The following GRID1 variants were observed in gnomAD, a reference collection of about 807,000 sequenced individuals.
The protein encoded by GRID1 is glutamate ionotropic receptor delta type subunit 1.
GRID1 carries 28 observed loss-of-function variants against 98.0 expected under a neutral mutation model. That is an observed-to-expected ratio of 0.29 (90% confidence interval 0.21 to 0.39). The LOEUF (loss-of-function observed/expected upper bound fraction) is 0.39, where lower values mean the gene tolerates loss of function less well. Ranked by LOEUF, GRID1 falls within the 10% of genes least tolerant of loss-of-function variation. The pLI, the probability that GRID1 is intolerant of heterozygous loss-of-function variation, is 1.00. For synonymous variants in GRID1, 553 were observed against 538.5 expected (o/e 1.03, Z -0.37); for missense variants, 1,111 against 1,340.5 (o/e 0.83, Z 2.67).
rs564394029 is a variant in GRID1 at position 85,777,200 on chromosome 10, G to A, written c.1234-47586C>T. On this transcript the variant is annotated intron_variant, in intron 8 of 15. Transcript: ENST00000327946. ...ATAAGTGGGCATCTAAATCAGGGAGGTGGGGATGTTCCCAGAATTAGCAGT... is the reference window on the plus strand; with the variant it reads ...ATAAGTGGGCATCTAAATCAGGGAGATGGGGATGTTCCCAGAATTAGCAGT... Among the ~76,000 whole-genome samples the A allele has an allele frequency of 4.6e-5, 7 of 152,276 alleles. No individual in the cohort carries two copies. The East Asian group carries it at 1.4e-3, about 29-fold the overall frequency.
intron 2 of GRID1, among the ~76,000 whole-genome samples, chr10:86,207,663 G>A (rs546052832): frequency 1.6e-3 from 171 of 107,498 alleles, no homozygotes; most frequent in Non-Finnish European, 2.1e-3. Context: ...ACGGAGTTTC[G>A]CTCTGTCGCC....
intron 4 of GRID1, among the ~76,000 whole-genome samples, chr10:85,954,357 C>T (rs1333748442): frequency 6.6e-6 from 1 of 152,168 alleles, no homozygotes; most frequent in African/African-American, 2.4e-5. Flanking sequence ...TTACTCTAAA[C>T]ATTGTCTCTC....
intron 12 of GRID1, among the ~76,000 whole-genome samples, chr10:85,697,110 T>C (rs1841402744): frequency 6.6e-6 from 1 of 152,174 alleles, no homozygotes; most frequent in African/African-American, 2.4e-5. Context: ...TTTTGGGGTA[T>C]AGCGTTCCAT....
At chr10:86,081,992 T>C (rs752963505) in intron 4 of GRID1, among the ~76,000 whole-genome samples, 1 of 152,242 alleles carries the variant, frequency 6.6e-6, no homozygotes, top group Non-Finnish European at 1.5e-5. Flanking sequence ...ATGTGAACTA[T>C]GAACTTTGTT....
At chr10:86,202,069 G>A (rs1332028567) in intron 3 of GRID1, among the ~76,000 whole-genome samples, 1 of 152,192 alleles carries the variant, frequency 6.6e-6, no homozygotes, top group Non-Finnish European at 1.5e-5. Flanking sequence ...AATAGACAGT[G>A]GCCACTCAAA....
intron 2 of GRID1, among the ~76,000 whole-genome samples, chr10:86,329,268 C>T (rs1346374356): frequency 1.3e-5 from 2 of 152,204 alleles, no homozygotes; most frequent in East Asian, 3.8e-4. Context: ...CACAAGGTTG[C>T]CTTGGCCAGG....
rs555716128 is a variant in GRID1, at chr10:85,910,249, C to A, written c.780+5937G>T. Among the ~76,000 whole-genome samples the A allele has an allele frequency of 2.2e-4, 34 of 152,300 alleles. 1 individual carries two copies. Among genetic ancestry groups the A allele is most frequent in the Middle Eastern group, 3.4e-3 (1 of 294 alleles). ...TTCAAAATAAAAGGAAGAAAAAAAT[C>A]TTTTCCTTCCCTCTCTTTCTCTGGG... On this transcript the variant is annotated intron_variant, in intron 5 of 15. Coordinates refer to ENST00000327946, the MANE Select transcript of GRID1 (RefSeq NM_017551.3).
chr10:85,692,364 T>C (rs1841342502), intron 12 of GRID1, among the ~76,000 whole-genome samples: 1 of 152,010 alleles, frequency 6.6e-6, no homozygotes, highest in African/African-American at 2.4e-5. Flanking sequence ...AGTTCAGTGA[T>C]AGAAACAAAA....
intron 3 of GRID1, among the ~76,000 whole-genome samples, chr10:86,202,998 C>A (rs1845975346): frequency 6.6e-6 from 1 of 152,162 alleles, no homozygotes; most frequent in African/African-American, 2.4e-5. Flanking sequence ...AGGATGATGC[C>A]TTGGCTAAAT....
At chr10:86,075,930 C>T (rs571234857) in intron 4 of GRID1, among the ~76,000 whole-genome samples, 3 of 152,358 alleles carry the variant, frequency 2.0e-5, no homozygotes, top group East Asian at 1.9e-4. Flanking sequence ...ACTCTCCCCA[C>T]GGAGCCAAGC....
intron 2 of GRID1, among the ~76,000 whole-genome samples, chr10:86,233,956 T>A (rs939175920): frequency 1.8e-4 from 1 of 5,570 alleles, no homozygotes; most frequent in African/African-American, 7.3e-4. Context: ...GGGAGGAGGG[T>A]GGGTGAGGGT....
At chr10:86,263,962 G>A (rs1237019276) in intron 2 of GRID1, among the ~76,000 whole-genome samples, 2 of 152,208 alleles carry the variant, frequency 1.3e-5, no homozygotes, top group East Asian at 3.9e-4. Context: ...AAGCCAGAGA[G>A]GGGAAGGGAC....
intron 8 of GRID1, among the ~76,000 whole-genome samples, chr10:85,756,476 T>C (rs1842099733): frequency 1.3e-5 from 2 of 152,140 alleles, no homozygotes; most frequent in Non-Finnish European, 2.9e-5. Context: ...ACACAAGCAT[T>C]GAAATCCTAA....
At chr10:86,105,090 G>A (rs890022197) in intron 4 of GRID1, among the ~76,000 whole-genome samples, 1 of 152,184 alleles carries the variant, frequency 6.6e-6, no homozygotes, top group Admixed American at 6.5e-5. Context: ...GTGATTTACG[G>A]TGGCTCTGAA....
At chr10:86,338,095 C>T (rs1336941907) in intron 2 of GRID1, among the ~76,000 whole-genome samples, 2 of 152,156 alleles carry the variant, frequency 1.3e-5, no homozygotes, top group East Asian at 3.9e-4. Flanking sequence ...TCCCTGATAA[C>T]ACTGATTGGC....
chr10:85,843,018 A>G (rs542192969), intron 8 of GRID1, among the ~76,000 whole-genome samples: 4 of 152,242 alleles, frequency 2.6e-5, no homozygotes, highest in African/African-American at 9.6e-5. Flanking sequence ...AATATCCCCC[A>G]TAACGCCTTA....
intron 4 of GRID1, among the ~76,000 whole-genome samples, chr10:86,083,983 C>T (rs919764566): frequency 6.6e-6 from 1 of 152,220 alleles, no homozygotes; most frequent in African/African-American, 2.4e-5. Context: ...TCACTGCATC[C>T]GGAGTCCCTG....
Position 86,322,109 on chromosome 10 carries a change from T to A in GRID1, c.235+41832A>T, listed in dbSNP as rs754797758. The stretch of plus-strand genomic sequence containing the variant: ...ATGAACTAGATCTGGGAACCAAACA[T>A]TTCATCATTAAAGTTTAAAAAGGGG... On this transcript the variant is annotated intron_variant, in intron 2 of 15. Transcript: ENST00000327946. Among the ~76,000 whole-genome samples, 65 of 151,950 alleles carry A rather than the reference T, an allele frequency of 4.3e-4. 1 individual carries two copies. Among genetic ancestry groups the A allele is most frequent in the Non-Finnish European group, 7.8e-4 (53 of 68,010 alleles).
intron 3 of GRID1, among the ~76,000 whole-genome samples, chr10:86,190,119 A>G (rs1845780074): frequency 6.6e-6 from 1 of 152,094 alleles, no homozygotes; most frequent in Admixed American, 6.6e-5. Flanking sequence ...GTTACCTTGA[A>G]TATCCTCTGT....
Sources: allele counts gnomAD v4.1 joint callset (sites outside exome capture counted in the v4.1 genomes callset), GRCh38; gene constraint gnomAD v4.1.1; transcripts MANE v1.5; gene names NCBI Gene and HGNC (gene_info 2026-07-23, HGNC 2026-07-21).